ZNF23: variants seen among roughly 807,000 people sequenced by gnomAD.
The protein encoded by ZNF23 is kruppel-like zinc finger factor X31.
A neutral mutation model predicts 56.2 loss-of-function variants in ZNF23; 48 were observed. The observed-to-expected ratio is 0.85, with a 90% CI of 0.68 to 1.09. ZNF23 has a LOEUF of 1.09. Among genes scored for constraint, ZNF23 ranks in the 50% least tolerant of loss-of-function variants. ZNF23 has a pLI of 0.00. For missense variants in ZNF23, 805 were observed against 811.4 expected (o/e 0.99, Z 0.10); for synonymous variants, 266 against 283.3 (o/e 0.94, Z 0.61).
intron 1 of ZNF23, among the ~76,000 whole-genome samples, chr16:71,459,731 T>G (rs1203917873): frequency 6.6e-6 from 1 of 152,244 alleles, no homozygotes; most frequent in East Asian, 1.9e-4. Flanking sequence ...TTGCTTAGGA[T>G]AGTTTACTGT....
chr16:71,449,564 T>C lies in ZNF23; in HGVS notation c.590A>G (p.Lys197Arg). Reference sequence around the variant, plus strand: ...ATTAATTATTTCATGCTTCACGAGTTTTGTATCAAAGCTGATGGATTTCCC... The same window carrying C: ...ATTAATTATTTCATGCTTCACGAGTCTTGTATCAAAGCTGATGGATTTCCC... ...GLGKSISFDT[K>R]LVKHEIINSE... The change falls in exon 5 of 5, where the codon AAA (lysine) becomes AGA (arginine). Residue 197 changes from lysine (K) to arginine (R), a missense_variant. Coordinates refer to ENST00000647773, the MANE Select transcript of ZNF23 (RefSeq NM_001381984.1). 6.2e-7 allele frequency: 1 copy of C among 1,614,164 alleles called. No homozygotes were observed. Among genetic ancestry groups the C allele is most frequent in the Non-Finnish European group, 8.5e-7 (1 of 1,180,034 alleles).
intron 1 of ZNF23, among the ~76,000 whole-genome samples, chr16:71,461,132 C>A (rs980043359): frequency 2.0e-5 from 3 of 152,024 alleles, no homozygotes; most frequent in Non-Finnish European, 4.4e-5. Flanking sequence ...ACAATTAACA[C>A]AAAAGTCAAT....
At chr16:71,453,987 C>T in intron 3 of ZNF23, 55 bp downstream of exon 3, 1 of 1,600,758 alleles carries the variant, frequency 6.2e-7, no homozygotes, top group Admixed American at 1.7e-5. Context: ...AAGGGAGAAG[C>T]AAGCCAGGAA....
Position 71,448,884 on chromosome 16 carries a change from G to A in ZNF23, c.1270C>T (p.Gln424Ter). 6.2e-7 allele frequency: 1 copy of A among 1,614,102 alleles called. No homozygotes were observed. The highest frequency in any genetic ancestry group is 8.5e-7 in the Non-Finnish European group (1 of 1,180,014). ...TCACCTGTGTGGATTCTCTGATGCT[G>A]AATGAGTTTTGTATTATTATTGAAG... ...KGFNNNTKLI[Q>*]HQRIHTGEKP... The change falls in exon 5 of 5, where the codon CAG becomes TAG. Residue 424 changes from glutamine to a stop codon, truncating the protein, a stop_gained. Transcript: ENST00000647773. LOFTEE classifies it high-confidence loss of function.
intron 1 of ZNF23, among the ~76,000 whole-genome samples, chr16:71,457,507 G>T (rs1181775408): frequency 1.3e-5 from 2 of 152,060 alleles, no homozygotes; most frequent in African/African-American, 2.4e-5. Flanking sequence ...AGCTTGCAGT[G>T]AGCCAAGATT....
Position 71,448,221 on chromosome 16 carries a change from C to T in ZNF23, c.1933G>A (p.Asp645Asn). 2 of 1,614,184 alleles carry T rather than the reference C, an allele frequency of 1.2e-6. No individual in the cohort carries two copies. Among genetic ancestry groups the T allele is most frequent in the Non-Finnish European group, 1.7e-6 (2 of 1,180,032 alleles). ...TGGACTGTCTGATGTATAATGTAGT[C>T]AGAACTAAAGCTGAAGCCTTTGCCA... ...ECGKGFSFSS[D>N]YIIHQTVHTW... Residue 645 changes from aspartate to asparagine, a missense_variant, in exon 5 of 5, where the codon GAC (aspartate) becomes AAC (asparagine). By Grantham distance (23) the Asp-to-Asn change is conservative. Transcript: ENST00000647773.
rs1391058387 is a variant in ZNF23 at position 71,449,191 on chromosome 16, C to G, written c.963G>C (p.Lys321Asn). ...SRHQRIHTGE[K>N]PYQCKECGNG... is the part of the protein sequence containing the mutation. ...TTCCACATTCCTTGCACTGATAGGG[C>G]TTCTCTCCCGTATGGATTCTCTGAT... is the stretch of plus-strand genomic sequence containing the variant. Residue 321 changes from lysine to asparagine, a missense_variant, in exon 5 of 5, where the codon AAG (lysine) becomes AAC (asparagine). Lys to Asn is a moderately conservative substitution (Grantham distance 94). Coordinates refer to ENST00000647773, the MANE Select transcript of ZNF23 (RefSeq NM_001381984.1). 1.2e-6 allele frequency: 2 copies of G among 1,613,910 alleles called. No homozygotes were observed. Among genetic ancestry groups the G allele is most frequent in the African/African-American group, 1.3e-5 (1 of 74,886 alleles).
rs1303670302 is a variant in ZNF23, at chr16:71,449,017, A to G, written c.1137T>C (p.Tyr379=). Residue 379 remains tyrosine, a synonymous_variant, in exon 5 of 5, where the codon TAT becomes TAC. Transcript: ENST00000647773. ...AGCCTTTTCCACATTCATTACATTC[A>G]TAAGGTTTCTCTCCAGTATGGATTC... ...HQRIHTGEKP[Y]ECNECGKGFR... The G allele has an allele frequency of 6.2e-7, 1 of 1,614,136 alleles. No homozygotes were observed. Among genetic ancestry groups the G allele is most frequent in the Middle Eastern group, 1.6e-4 (1 of 6,062 alleles).
At position 71,456,764 on chromosome 16, in the gene ZNF23, C is replaced by T. The variant is rs1039198973; in HGVS notation, c.33G>A (p.Gln11=). 2.0e-6 allele frequency: 2 copies of T among 985,936 alleles called. No individual in the cohort carries two copies. The highest frequency in any genetic ancestry group is 3.5e-5 in the African/African-American group (2 of 57,240). The allele number at this position is 985,936 out of a possible 1,614,324, so 61.1% of individuals were successfully genotyped here. A position where few individuals can be genotyped will look rare whatever the true frequency, so the allele number is the denominator to read the frequency against. The change falls in exon 2 of 5, where the codon CAG becomes CAA. Residue 11 remains glutamine (Q), a splice_region_variant and synonymous_variant. Transcript: ENST00000647773. ...AGAGCTGAAGGACCCCACAGCTCAC[C>T]TGGGGCCAGGCTGTCAGGTGCATGG... is the stretch of plus-strand genomic sequence containing the variant. MAAMHLTAWP[Q]KSVTFEDVAV...
chr16:71,461,035 G>A (rs2043430703), intron 1 of ZNF23, among the ~76,000 whole-genome samples: 1 of 151,960 alleles, frequency 6.6e-6, no homozygotes, highest in Non-Finnish European at 1.5e-5. Context: ...ACACAATGGT[G>A]CCATTTATAT....
Position 71,448,541 on chromosome 16 carries a change from T to C in ZNF23, c.1613A>G (p.His538Arg), listed in dbSNP as rs989482874. 1.2e-6 allele frequency: 2 copies of C among 1,614,088 alleles called. No individual in the cohort carries two copies. Among genetic ancestry groups the C allele is most frequent in the Middle Eastern group, 3.3e-4 (2 of 6,062 alleles). ...FTSKRNLLDH[H>R]RIHTGEKPYQ... Reference sequence around the variant, plus strand: ...GGGCTTTTCTCCAGTATGGATTCGGTGATGATCAAGTAGGTTTCTTTTAGA... The same window carrying C: ...GGGCTTTTCTCCAGTATGGATTCGGCGATGATCAAGTAGGTTTCTTTTAGA... The change falls in exon 5 of 5, where the codon CAC (histidine) becomes CGC (arginine). Residue 538 changes from histidine to arginine, a missense_variant. His to Arg is a conservative substitution (Grantham distance 29). Transcript: ENST00000647773.
chr16:71,458,579 G>A (rs2043322765), intron 1 of ZNF23, among the ~76,000 whole-genome samples: 1 of 152,174 alleles, frequency 6.6e-6, no homozygotes, highest in Non-Finnish European at 1.5e-5. Flanking sequence ...GAGGTTACAA[G>A]GATAAATGAG....
Position 71,448,696 on chromosome 16 carries a change from A to T in ZNF23, c.1458T>A (p.Thr486=), listed in dbSNP as rs770324297. Residue 486 remains threonine, a synonymous_variant, in exon 5 of 5, where the codon ACT becomes ACA. Coordinates refer to ENST00000647773, the MANE Select transcript of ZNF23 (RefSeq NM_001381984.1). ...SQFRQHLRIH[T]GEKPYECNEC... is the part of the protein sequence containing the mutation. ...CATTACACTCATAGGGCTTCTCCCC[A>T]GTGTGAATTCTCAGATGCTGCCGAA... The T allele has an allele frequency of 2.5e-6, 4 of 1,614,190 alleles. No homozygotes were observed. The highest frequency in any genetic ancestry group is 1.7e-5 in the Admixed American group (1 of 60,028).
At chr16:71,461,022 T>C (rs2043430081) in intron 1 of ZNF23, among the ~76,000 whole-genome samples, 1 of 152,180 alleles carries the variant, frequency 6.6e-6, no homozygotes, top group Non-Finnish European at 1.5e-5. Context: ...AGATGACTTA[T>C]ACACACAATG....
At position 71,449,644 on chromosome 16, in the gene ZNF23, G is replaced by A; in HGVS notation, c.510C>T (p.Asn170=). The part of the protein sequence containing the change: ...VEECFFSQSS[N]SYQCHTITGE... ...CAGTGATGGTATGACACTGATATGA[G>A]TTTGAACTTTGACTAAAAAAACACT... is the stretch of plus-strand genomic sequence containing the variant. The change falls in exon 5 of 5, where the codon AAC becomes AAT. Residue 170 remains asparagine (N), a synonymous_variant. Transcript: ENST00000647773. 1 of 1,613,884 alleles carries A rather than the reference G, an allele frequency of 6.2e-7. No homozygotes were observed. The highest frequency in any genetic ancestry group is 8.5e-7 in the Non-Finnish European group (1 of 1,180,016).
chr16:71,454,071 A>G lies in ZNF23; in HGVS notation c.131T>C (p.Leu44Pro). 10 of 1,614,132 alleles carry G rather than the reference A, an allele frequency of 6.2e-6. No individual in the cohort carries two copies. The highest frequency in any genetic ancestry group is 8.5e-6 in the Non-Finnish European group (10 of 1,180,006). Reference protein sequence around the residue: ...AQRTLYRDVMLENYGNVASLG... With the variant: ...AQRTLYRDVMPENYGNVASLG... ...GGAGGCCACATTCCCATAATTCTCCAGCATCACATCCCTGTACAGGGTCCT... is the reference window on the plus strand; with the variant it reads ...GGAGGCCACATTCCCATAATTCTCCGGCATCACATCCCTGTACAGGGTCCT... Residue 44 changes from leucine (L) to proline (P), a missense_variant, in exon 3 of 5, where the codon CTG (leucine) becomes CCG (proline). Leu to Pro is a moderately conservative substitution (Grantham distance 98). Coordinates refer to ENST00000647773, the MANE Select transcript of ZNF23 (RefSeq NM_001381984.1).
chr16:71,459,601 T>C (rs56326374), intron 1 of ZNF23, among the ~76,000 whole-genome samples: 7 of 152,368 alleles, frequency 4.6e-5, no homozygotes, highest in Non-Finnish European at 1.0e-4. Flanking sequence ...TTAAAGCCTA[T>C]AAGGCCACAA....
At chr16:71,459,907 A>C (rs2145138209) in intron 1 of ZNF23, among the ~76,000 whole-genome samples, 1 of 152,312 alleles carries the variant, frequency 6.6e-6, no homozygotes. Flanking sequence ...CTGTGATGGG[A>C]GAATATACAA....
chr16:71,450,679 A>G, intron 4 of ZNF23: 1 of 437,882 alleles, frequency 2.3e-6, no homozygotes, highest in Non-Finnish European at 4.6e-6. Flanking sequence ...AGTTCTTGCC[A>G]CTGCACTCCA....
Sources: gnomAD v4.1 joint callset for allele counts (sites outside exome capture counted in the v4.1 genomes callset) on GRCh38, gnomAD v4.1.1 for gene constraint, MANE v1.5 for transcripts, NCBI Gene and HGNC (gene_info 2026-07-23, HGNC 2026-07-21) for gene names.